RNF6: variants seen among roughly 807,000 people sequenced by gnomAD.
RNF6 encodes E3 ubiquitin-protein ligase RNF6.
A neutral mutation model predicts 50.1 loss-of-function variants in RNF6; 21 were observed. The ratio of observed to expected loss-of-function variants is 0.42; its 90% CI spans 0.30 to 0.60. RNF6 has a LOEUF of 0.60. RNF6 is among the 20% of genes least tolerant of loss of function. The pLI, the probability that RNF6 is intolerant of heterozygous loss-of-function variation, is 0.20. For synonymous variants in RNF6, 255 were observed against 291.8 expected, an observed-to-expected ratio of 0.87 and a Z score of 1.29; for missense variants, 698 against 838.2, an observed-to-expected ratio of 0.83 and a Z score of 2.07.
At position 26,215,716 on chromosome 13, in the gene RNF6, G is replaced by A. The variant is rs542990280; in HGVS notation, c.290-124C>T. The A allele has an allele frequency of 3.7e-4, 309 of 825,646 alleles. 1 individual carries two copies. Among genetic ancestry groups the A allele is most frequent in the Non-Finnish European group, 4.8e-4 (270 of 557,962 alleles). The allele number at this position is 825,646 out of a possible 1,614,324, so 51.1% of individuals were successfully genotyped here. ...AGAACATCTGTGGATTTTAATGAAT[G>A]AAAGATGGCAAAAAGACAACTTTCT... is the stretch of plus-strand genomic sequence containing the variant. On this transcript the variant is annotated intron_variant, in intron 4 of 4. Transcript: ENST00000381588.
intron 5 of RNF6, chr13:26,150,731 A>G (rs1871546908): frequency 6.6e-6 from 1 of 152,150 alleles, no homozygotes; most frequent in African/African-American, 2.4e-5. Context: ...CAACTGCTTG[A>G]AAAAAAATCA....
chr13:26,173,270 A>G (rs944257056), intron 5 of RNF6, among the ~76,000 whole-genome samples: 8 of 152,262 alleles, frequency 5.3e-5, no homozygotes, highest in Non-Finnish European at 1.0e-4. Context: ...AAAGATATGC[A>G]TTTCAGCCGT....
rs747327734 is a variant in RNF6 at position 26,213,870 on chromosome 13, A to G, written c.2012T>C (p.Ile671Thr). The G allele has an allele frequency of 6.2e-7, 1 of 1,613,746 alleles. No individual in the cohort carries two copies. Among genetic ancestry groups the G allele is most frequent in the Non-Finnish European group, 8.5e-7 (1 of 1,179,770 alleles). ...AGACCCTAAAACAGGCTGCCGACAGATCGGACAAGTGCAATTCTCTGAGAG... is the reference window on the plus strand; with the variant it reads ...AGACCCTAAAACAGGCTGCCGACAGGTCGGACAAGTGCAATTCTCTGAGAG... ...RWLSENCTCP[I>T]CRQPVLGSNI... Residue 671 changes from isoleucine to threonine, a missense_variant, in exon 5 of 5, where the codon ATC (isoleucine) becomes ACC (threonine). Physicochemically the swap from Ile to Thr is moderately conservative, Grantham distance 89. Transcript: ENST00000381588.
chr13:26,135,276 T>C (rs9581547), intron 5 of RNF6, among the ~76,000 whole-genome samples: 3,045 of 152,270 alleles, frequency 0.02, 112 homozygotes, highest in African/African-American at 0.069. Flanking sequence ...TTCAAAACAA[T>C]ATGTTTAAGG....
intron 5 of RNF6, among the ~76,000 whole-genome samples, chr13:26,179,452 T>C (rs1278201117): frequency 6.6e-6 from 1 of 152,202 alleles, no homozygotes; most frequent in African/African-American, 2.4e-5. Flanking sequence ...CACTCCACTC[T>C]GGGTTCTGTA....
intron 4 of RNF6, among the ~76,000 whole-genome samples, chr13:26,216,592 A>G (rs1869898268): frequency 1.3e-5 from 2 of 152,080 alleles, no homozygotes; most frequent in South Asian, 4.1e-4. Context: ...TATAAAGTAC[A>G]AAACTTAATA....
chr13:26,191,487 C>T (rs1337706367), intron 5 of RNF6, among the ~76,000 whole-genome samples: 2 of 152,134 alleles, frequency 1.3e-5, no homozygotes, highest in African/African-American at 2.4e-5. Context: ...GTAATCCCCA[C>T]ATGTCAAGGG....
chr13:26,174,752 C>G (rs1248174392), intron 5 of RNF6, among the ~76,000 whole-genome samples: 2 of 152,138 alleles, frequency 1.3e-5, no homozygotes, highest in African/African-American at 4.8e-5. Flanking sequence ...CAGATTGCAG[C>G]CCCTGGAATG....
At chr13:26,184,004 A>ATT (rs1566424849) in intron 5 of RNF6, among the ~76,000 whole-genome samples, 289 of 10,732 alleles carry the variant, frequency 0.027, no homozygotes, top group African/African-American at 0.054. Flanking sequence ...ATATATATAT[A>ATT]TATATATATA....
At chr13:26,222,930 A>G (rs2137817926), upstream of RNF6, among the ~76,000 whole-genome samples, 1 of 151,950 alleles carries the variant, frequency 6.6e-6, no homozygotes, top group Non-Finnish European at 1.5e-5. Context: ...GTGTTTTTTC[A>G]CCTTCCCGCT....
chr13:26,157,126 G>T (rs1240167814), intron 5 of RNF6, among the ~76,000 whole-genome samples: 2 of 152,120 alleles, frequency 1.3e-5, no homozygotes, highest in African/African-American at 4.8e-5. Context: ...TTGGGGTAAT[G>T]AAAATGTTCT....
intron 5 of RNF6, among the ~76,000 whole-genome samples, chr13:26,165,271 G>A (rs1872394061): frequency 6.6e-6 from 1 of 152,230 alleles, no homozygotes; most frequent in South Asian, 2.1e-4. Context: ...AAGAATTGAG[G>A]TTTGGGAACC....
downstream of RNF6, among the ~76,000 whole-genome samples, chr13:26,208,888 C>A (rs1869208182): frequency 6.6e-6 from 1 of 152,214 alleles, no homozygotes; most frequent in African/African-American, 2.4e-5. Context: ...AGACTCCTAA[C>A]TATTCCAGAG....
intron 5 of RNF6, among the ~76,000 whole-genome samples, chr13:26,187,121 G>A (rs1255366072): frequency 6.7e-6 from 1 of 149,330 alleles, no homozygotes; most frequent in African/African-American, 2.6e-5. Flanking sequence ...TGAGGTCCGG[G>A]ACTGGGGCTG....
intron 5 of RNF6, among the ~76,000 whole-genome samples, chr13:26,204,863 C>T (rs949311509): frequency 1.3e-5 from 2 of 152,162 alleles, no homozygotes; most frequent in African/African-American, 4.8e-5. Flanking sequence ...ATGAGAAATG[C>T]CTGACATGGC....
At chr13:26,132,950 AACAGTTCCC>A (rs1870470217) in intron 5 of RNF6, among the ~76,000 whole-genome samples, 1 of 152,174 alleles carries the variant, frequency 6.6e-6, no homozygotes, top group African/African-American at 2.4e-5. Context: ...TTGCATTTCT[AACAGTTCCC>A]ACAAGATGAT....
intron 5 of RNF6, among the ~76,000 whole-genome samples, chr13:26,187,328 C>G (rs897482602): frequency 1.3e-5 from 2 of 152,168 alleles, no homozygotes; most frequent in African/African-American, 2.4e-5. Flanking sequence ...GTTTGGAGGT[C>G]AGGCAAGGCT....
At chr13:26,149,586 A>T (rs528612723) in intron 5 of RNF6, among the ~76,000 whole-genome samples, 1 of 143,914 alleles carries the variant, frequency 6.9e-6, no homozygotes, top group Non-Finnish European at 1.5e-5. Flanking sequence ...GACTCCGTCT[A>T]AAAAAAAAAA....
intron 5 of RNF6, among the ~76,000 whole-genome samples, chr13:26,198,931 A>G (rs927951838): frequency 6.6e-6 from 1 of 152,106 alleles, no homozygotes; most frequent in African/African-American, 2.4e-5. Context: ...AACAAGATGT[A>G]CAAAACACAC....
Sources: gnomAD v4.1 joint callset for allele counts (sites outside exome capture counted in the v4.1 genomes callset) on GRCh38, gnomAD v4.1.1 for gene constraint, MANE v1.5 for transcripts, NCBI Gene and HGNC (gene_info 2026-07-23, HGNC 2026-07-21) for gene names.